The following STK40 variants were observed in gnomAD, a reference collection of about 807,000 sequenced individuals.
The protein encoded by STK40 is serine/threonine-protein kinase 40.
STK40 carries 13 observed loss-of-function variants against 47.9 expected under a neutral mutation model. The ratio of observed to expected loss-of-function variants is 0.27; its 90% CI spans 0.18 to 0.43. The LOEUF (loss-of-function observed/expected upper bound fraction) is 0.43, where lower values mean the gene tolerates loss of function less well. Among genes scored for constraint, STK40 ranks in the 20% least tolerant of loss-of-function variants. STK40 has a pLI of 1.00. For synonymous variants in STK40, 225 were observed against 243.2 expected, an observed-to-expected ratio of 0.93 and a Z score of 0.69; for missense variants, 460 against 595.1, an observed-to-expected ratio of 0.77 and a Z score of 2.36.
At position 36,358,875 on chromosome 1, in the gene STK40, C is replaced by T. The variant is rs1163771781; in HGVS notation, c.113-53G>A. The T allele has an allele frequency of 9.4e-6, 15 of 1,600,586 alleles. 2 individuals are homozygous for T. Among genetic ancestry groups the T allele is most frequent in the South Asian group, 4.4e-5 (4 of 90,780 alleles). ...TTTTCAGAAGCCCTGGCTGTCACGA[C>T]GCCAGGTCACCACGTGGTCTTTTAC... is the stretch of plus-strand genomic sequence containing the variant. On this transcript the variant is annotated intron_variant, in intron 2 of 10. Transcript: ENST00000373132.
intron 1 of STK40, among the ~76,000 whole-genome samples, chr1:36,371,938 A>C (rs557748360): frequency 6.7e-6 from 1 of 149,418 alleles, no homozygotes; most frequent in Non-Finnish European, 1.5e-5. Context: ...TGAAGGTTGC[A>C]GTGAGCCGAG....
At chr1:36,384,728 G>T (rs1229316531) in intron 1 of STK40, among the ~76,000 whole-genome samples, 1 of 152,228 alleles carries the variant, frequency 6.6e-6, no homozygotes. Flanking sequence ...GGACTGTCTA[G>T]ATTAACCCAA....
intron 6 of STK40, among the ~76,000 whole-genome samples, chr1:36,351,997 T>C (rs1646763215): frequency 6.6e-6 from 1 of 152,206 alleles, no homozygotes; most frequent in Non-Finnish European, 1.5e-5. Context: ...AGTAAGCCTG[T>C]AGTCCACAGC....
intron 1 of STK40, among the ~76,000 whole-genome samples, chr1:36,382,327 G>A (rs565894259): frequency 2.0e-5 from 3 of 152,008 alleles, no homozygotes; most frequent in South Asian, 2.1e-4. Context: ...CTACAGGTGC[G>A]TATGACCATG....
rs1557513945 is a variant in STK40 at position 36,358,396 on chromosome 1, TA to T, written c.199-15del. ...CAGGGTCAGGATCTTTAGGAAAGCA[TA>T]AAAATAAAACCAAAACCAGAACACC... On this transcript the variant is annotated splice_polypyrimidine_tract_variant and intron_variant, in intron 3 of 10. Transcript: ENST00000373132. 6.3e-7 allele frequency: 1 copy of T among 1,583,358 alleles called. No individual in the cohort carries two copies.
chr1:36,358,493 A>G, intron 3 of STK40, 111 bp from the exon 4 acceptor site: 1 of 1,406,448 alleles, frequency 7.1e-7, no homozygotes, highest in South Asian at 1.3e-5. Context: ...TTTGTGCACA[A>G]TGCACACACA....
At chr1:36,379,632 G>A (rs1164001619) in intron 1 of STK40, among the ~76,000 whole-genome samples, 1 of 151,826 alleles carries the variant, frequency 6.6e-6, no homozygotes, top group Admixed American at 6.6e-5. Flanking sequence ...TGCCTGCCTC[G>A]GCCTCCTAAA....
Position 36,341,777 on chromosome 1 carries a change from G to A in STK40, c.1286C>T (p.Ala429Val), listed in dbSNP as rs780818464. Reference protein sequence around the residue: ...PMTSLDTAILAQRYLRK With the variant: ...PMTSLDTAILVQRYLRK Reference sequence around the variant, plus strand: ...CTGTTATTTCCGCAGGTAGCGCTGCGCCAGGATGGCCGTGTCCAAGGAGGT... The same window carrying A: ...CTGTTATTTCCGCAGGTAGCGCTGCACCAGGATGGCCGTGTCCAAGGAGGT... Residue 429 changes from alanine to valine, a missense_variant, in exon 11 of 11, where the codon GCG becomes GTG. Ala to Val is a moderately conservative substitution (Grantham distance 64). Coordinates refer to ENST00000373132, the MANE Select transcript of STK40 (RefSeq NM_001282547.2). The A allele has an allele frequency of 4.5e-5, 72 of 1,611,930 alleles. No homozygotes were observed. The highest frequency in any genetic ancestry group is 5.6e-5 in the Non-Finnish European group (66 of 1,179,602).
intron 1 of STK40, among the ~76,000 whole-genome samples, chr1:36,370,662 T>C (rs535046732): frequency 6.3e-4 from 96 of 152,148 alleles, no homozygotes; most frequent in Non-Finnish European, 1.1e-3. Flanking sequence ...ACTTAAAACC[T>C]GCAAGGGCGG....
intron 7 of STK40, among the ~76,000 whole-genome samples, chr1:36,346,818 G>A (rs377398966): frequency 2.6e-5 from 4 of 152,226 alleles, no homozygotes; most frequent in East Asian, 3.9e-4. Context: ...CTGCAAGAGA[G>A]GAGTCCCATC....
At chr1:36,356,311 G>T (rs939704401) in intron 4 of STK40, among the ~76,000 whole-genome samples, 1 of 152,116 alleles carries the variant, frequency 6.6e-6, no homozygotes, top group African/African-American at 2.4e-5. Flanking sequence ...AAAAACAGGG[G>T]GACTTCATCT....
intron 2 of STK40, among the ~76,000 whole-genome samples, chr1:36,360,192 T>C (rs964764215): frequency 1.3e-5 from 2 of 152,186 alleles, no homozygotes; most frequent in Non-Finnish European, 2.9e-5. Flanking sequence ...GCCTGGCACG[T>C]AGTAGGTACA....
Position 36,341,838 on chromosome 1 carries a change from G to A in STK40, c.1225C>T (p.Pro409Ser). The change falls in exon 11 of 11, where the codon CCG becomes TCG. Residue 409 changes from proline to serine, a missense_variant. By Grantham distance (74) the Pro-to-Ser change is moderately conservative. Coordinates refer to ENST00000373132, the MANE Select transcript of STK40 (RefSeq NM_001282547.2). ...GCGTCGTGGCCCAGCCGTCGCACCG[G>A]TGGTGCGCTGCCGAACTGCCGCTTG... ...VPKRQFGSAP[P>S]VRRLGHDAQP... The A allele has an allele frequency of 1.3e-5, 21 of 1,613,718 alleles. No individual in the cohort carries two copies. Among genetic ancestry groups the A allele is most frequent in the Non-Finnish European group, 1.8e-5 (21 of 1,179,978 alleles).
intron 5 of STK40, 60 bp from the exon 6 acceptor site, chr1:36,354,476 C>A: frequency 6.3e-7 from 1 of 1,586,126 alleles, no homozygotes; most frequent in Non-Finnish European, 8.7e-7. Context: ...TCAGGGCCCA[C>A]CCTGTAAGAT....
intron 1 of STK40, among the ~76,000 whole-genome samples, chr1:36,369,652 C>A (rs1188174330): frequency 6.6e-6 from 1 of 152,246 alleles, no homozygotes; most frequent in Non-Finnish European, 1.5e-5. Context: ...CCAAAGCTGG[C>A]TGCTCCTCCT....
intron 1 of STK40, among the ~76,000 whole-genome samples, chr1:36,373,703 T>C (rs180968761): frequency 6.6e-6 from 1 of 152,390 alleles, no homozygotes; most frequent in African/African-American, 2.4e-5. Context: ...TCATCTTCAC[T>C]GCTCCAAAAC....
At position 36,352,367 on chromosome 1, in the gene STK40, G is replaced by A. The variant is rs994830519; in HGVS notation, c.623+1997C>T. Reference sequence around the variant, plus strand: ...TCACACCCACTGATTTGCATCTCAGGCCAATCTTCCCAGGAAGCCAGGATG... The same window carrying A: ...TCACACCCACTGATTTGCATCTCAGACCAATCTTCCCAGGAAGCCAGGATG... On this transcript the variant is annotated intron_variant, in intron 6 of 10. Coordinates refer to ENST00000373132, the MANE Select transcript of STK40 (RefSeq NM_001282547.2). Among the ~76,000 whole-genome samples, 12 of 152,154 alleles carry A rather than the reference G, an allele frequency of 7.9e-5. No individual in the cohort carries two copies. The South Asian group carries it at 2.1e-3, about 26-fold the overall frequency.
chr1:36,361,380 A>G lies in STK40; in HGVS notation c.-8-40T>C, dbSNP rs971547317. The G allele has an allele frequency of 2.5e-6, 4 of 1,611,748 alleles. No individual in the cohort carries two copies. The South Asian group carries it at 4.4e-5, about 18-fold the overall frequency. ...AAGACCCCTTCTCACTGAGTAAGTCAGCGAGTTTCCTTATGCTAACCCAGC... is the reference window on the plus strand; with the variant it reads ...AAGACCCCTTCTCACTGAGTAAGTCGGCGAGTTTCCTTATGCTAACCCAGC... On this transcript the variant is annotated intron_variant, in intron 1 of 10. Transcript: ENST00000373132.
intron 2 of STK40, among the ~76,000 whole-genome samples, chr1:36,359,952 TCTC>T (rs1475359829): frequency 6.6e-6 from 1 of 152,176 alleles, no homozygotes; most frequent in Non-Finnish European, 1.5e-5. Flanking sequence ...AGTTGCTGCT[TCTC>T]CTCCTCAGGT....
Sources: gnomAD v4.1 joint callset for allele counts (sites outside exome capture counted in the v4.1 genomes callset) on GRCh38, gnomAD v4.1.1 for gene constraint, MANE v1.5 for transcripts, NCBI Gene and HGNC (gene_info 2026-07-23, HGNC 2026-07-21) for gene names.